The following ARHGAP15 variants were observed in gnomAD, a reference collection of about 807,000 sequenced individuals.
ARHGAP15 encodes Rho GTPase activating protein 15.
A neutral mutation model predicts 63.7 loss-of-function variants in ARHGAP15; 51 were observed. The observed-to-expected ratio is 0.80, with a 90% CI of 0.64 to 1.01. The LOEUF (loss-of-function observed/expected upper bound fraction) is 1.01. Among genes scored for constraint, ARHGAP15 ranks in the 50% least tolerant of loss-of-function variants. The pLI is 0.00. For missense variants in ARHGAP15, 560 were observed against 564.6 expected (o/e 0.99, Z 0.08); for synonymous variants, 191 against 193.8 (o/e 0.99, Z 0.12).
intron 4 of ARHGAP15, among the ~76,000 whole-genome samples, chr2:143,221,244 T>C (rs2105155135): frequency 6.6e-6 from 1 of 152,304 alleles, no homozygotes; most frequent in East Asian, 1.9e-4. Context: ...TTCTTTTTTA[T>C]GTGTCTTTAT....
chr2:143,432,562 C>T (rs16822542), intron 6 of ARHGAP15, among the ~76,000 whole-genome samples: 16,512 of 152,000 alleles, frequency 0.11, 1,234 homozygotes, highest in African/African-American at 0.21. Context: ...TCTAAGCCCA[C>T]GTGAAAACTA....
chr2:143,230,591 G>A (rs529217176), intron 5 of ARHGAP15, among the ~76,000 whole-genome samples: 2 of 152,214 alleles, frequency 1.3e-5, no homozygotes, highest in Admixed American at 1.3e-4. Flanking sequence ...GTCAATTCAT[G>A]GCAGGAACTA....
chr2:143,362,952 C>A (rs1439929528), intron 6 of ARHGAP15, among the ~76,000 whole-genome samples: 19 of 152,166 alleles, frequency 1.2e-4, no homozygotes, highest in Admixed American at 9.2e-4. Context: ...TTCTAACTCT[C>A]CTATCCTACC....
At chr2:143,278,910 A>C (rs1035951935) in intron 6 of ARHGAP15, among the ~76,000 whole-genome samples, 25 of 148,602 alleles carry the variant, frequency 1.7e-4, no homozygotes, top group African/African-American at 6.3e-4. Context: ...AGATGGATTA[A>C]AAGAAGGCAG....
chr2:143,687,476 T>TATATA (rs1683402314), intron 12 of ARHGAP15, among the ~76,000 whole-genome samples: 2 of 152,218 alleles, frequency 1.3e-5, no homozygotes, highest in African/African-American at 4.8e-5. Context: ...TCCTTCAGAC[T>TATATA]GCAAATATAT....
intron 11 of ARHGAP15, among the ~76,000 whole-genome samples, chr2:143,623,482 G>A (rs569290417): frequency 5.9e-5 from 9 of 152,194 alleles, no homozygotes; most frequent in Admixed American, 2.0e-4. Context: ...TAGGCCAACA[G>A]GGGTCTGTCT....
intron 6 of ARHGAP15, among the ~76,000 whole-genome samples, chr2:143,316,049 G>A (rs188796245): frequency 6.6e-6 from 1 of 152,170 alleles, no homozygotes; most frequent in African/African-American, 2.4e-5. Context: ...TGGCACCATT[G>A]CACTCCATCC....
intron 6 of ARHGAP15, among the ~76,000 whole-genome samples, chr2:143,360,931 C>G (rs1313160460): frequency 3.3e-5 from 5 of 152,076 alleles, no homozygotes; most frequent in African/African-American, 4.8e-5. Flanking sequence ...TAAATTGGAA[C>G]ACATTTTGGC....
At chr2:143,552,761 TA>T (rs1447773535) in intron 10 of ARHGAP15, among the ~76,000 whole-genome samples, 3 of 152,134 alleles carry the variant, frequency 2.0e-5, no homozygotes, top group Non-Finnish European at 4.4e-5. Flanking sequence ...AAATAAAAAA[TA>T]AAATGACTTA....
At chr2:143,636,769 C>T (rs890082198) in intron 12 of ARHGAP15, among the ~76,000 whole-genome samples, 25 of 152,142 alleles carry the variant, frequency 1.6e-4, no homozygotes, top group Non-Finnish European at 2.9e-5. Flanking sequence ...CAAGATCACA[C>T]TCCCTCAAAT....
At chr2:143,185,999 T>C (rs191040456) in intron 2 of ARHGAP15, among the ~76,000 whole-genome samples, 52 of 152,312 alleles carry the variant, frequency 3.4e-4, no homozygotes, top group Middle Eastern at 6.8e-3. Context: ...ACTTAATAAA[T>C]AGTCATTACA....
At chr2:143,438,035 T>C (rs1158203229) in intron 8 of ARHGAP15, among the ~76,000 whole-genome samples, 1 of 152,124 alleles carries the variant, frequency 6.6e-6, no homozygotes, top group Admixed American at 6.6e-5. Flanking sequence ...TCAGAAAAGG[T>C]AGACATCTTT....
chr2:143,177,149 A>G (rs954830897), intron 2 of ARHGAP15, among the ~76,000 whole-genome samples: 1 of 152,222 alleles, frequency 6.6e-6, no homozygotes, highest in African/African-American at 2.4e-5. Context: ...TATGCGACAT[A>G]ACTGAAATTT....
chr2:143,589,574 G>C (rs1357749490), intron 11 of ARHGAP15, among the ~76,000 whole-genome samples: 1 of 152,162 alleles, frequency 6.6e-6, no homozygotes, highest in South Asian at 2.1e-4. Flanking sequence ...AGGGTTGATG[G>C]ACTCTAAAGT....
At chr2:143,171,281 C>T (rs906105668) in intron 2 of ARHGAP15, among the ~76,000 whole-genome samples, 1 of 152,048 alleles carries the variant, frequency 6.6e-6, no homozygotes, top group Non-Finnish European at 1.5e-5. Context: ...ATGTGCAAAC[C>T]CACCAAATAC....
At chr2:143,611,357 A>G (rs1257649173) in intron 11 of ARHGAP15, among the ~76,000 whole-genome samples, 1 of 152,142 alleles carries the variant, frequency 6.6e-6, no homozygotes, top group Non-Finnish European at 1.5e-5. Context: ...TGTGAGATAA[A>G]TCAGGGTTGG....
At chr2:143,610,392 T>C (rs190119208) in intron 11 of ARHGAP15, among the ~76,000 whole-genome samples, 3 of 152,332 alleles carry the variant, frequency 2.0e-5, no homozygotes, top group African/African-American at 7.2e-5. Flanking sequence ...GTTTAAACTT[T>C]AACTGAGATT....
intron 13 of ARHGAP15, among the ~76,000 whole-genome samples, chr2:143,745,946 A>G (rs1686147703): frequency 6.6e-6 from 1 of 152,196 alleles, no homozygotes; most frequent in Non-Finnish European, 1.5e-5. Context: ...GTTCAAGTTG[A>G]TCTTTCGTTC....
chr2:143,726,588 G>A (rs549031287), intron 13 of ARHGAP15, among the ~76,000 whole-genome samples: 10 of 152,324 alleles, frequency 6.6e-5, no homozygotes, highest in South Asian at 2.1e-4. Context: ...ACATGGAGAC[G>A]TTTGATCTAA....
Sources: gnomAD v4.1 joint callset for allele counts (sites outside exome capture counted in the v4.1 genomes callset) on GRCh38, gnomAD v4.1.1 for gene constraint, MANE v1.5 for transcripts, NCBI Gene and HGNC (gene_info 2026-07-23, HGNC 2026-07-21) for gene names.